OXCT1: variants seen among roughly 807,000 people sequenced by gnomAD.
OXCT1 encodes the protein 3-oxoacid CoA-transferase 1, also known as succinyl-CoA:3-ketoacid coenzyme A transferase 1, mitochondrial.
Under a neutral mutation model 69.6 loss-of-function variants are expected in OXCT1, and 27 were observed. The ratio of observed to expected loss-of-function variants is 0.39; its 90% confidence interval spans 0.29 to 0.54. The LOEUF is 0.54. Ranked by LOEUF, OXCT1 falls within the 20% of genes least tolerant of loss-of-function variation. The pLI is 0.72. For missense variants in OXCT1, 437 were observed against 650.2 expected (o/e 0.67, Z 3.57); for synonymous variants, 202 against 217.8 (o/e 0.93, Z 0.64).
At chr5:41,803,213 T>C (rs761453016) in intron 9 of OXCT1, 50 bp from the exon 10 acceptor site, 5 of 1,245,374 alleles carry the variant, frequency 4.0e-6, no homozygotes, top group Non-Finnish European at 5.9e-6. Flanking sequence ...AGAGAAGTTA[T>C]ACCATAAATC....
intron 5 of OXCT1, chr5:41,843,471 G>A: frequency 2.2e-6 from 1 of 447,480 alleles, no homozygotes; most frequent in East Asian, 7.0e-5. Context: ...CTACTCTTCT[G>A]ACATTACTGA....
At chr5:41,765,413 G>T (rs530722751) in intron 13 of OXCT1, among the ~76,000 whole-genome samples, 5 of 152,266 alleles carry the variant, frequency 3.3e-5, no homozygotes, top group South Asian at 4.1e-4. Flanking sequence ...CTGTTGCACA[G>T]CCCACTTCTT....
intron 13 of OXCT1, among the ~76,000 whole-genome samples, chr5:41,766,561 TG>T (rs1252749492): frequency 6.9e-6 from 1 of 144,420 alleles, no homozygotes; most frequent in Non-Finnish European, 1.5e-5. Flanking sequence ...AATATTACAT[TG>T]TACTCCAAAA....
intron 6 of OXCT1, 53 bp downstream of exon 6, chr5:41,842,622 T>A (rs1378707720): frequency 1.7e-6 from 2 of 1,208,576 alleles, no homozygotes; most frequent in Admixed American, 1.7e-5. Context: ...CACTCTGATG[T>A]CCATTTTTAG....
At chr5:41,781,131 C>T (rs1362969477) in intron 13 of OXCT1, among the ~76,000 whole-genome samples, 1 of 152,066 alleles carries the variant, frequency 6.6e-6, no homozygotes, top group East Asian at 1.9e-4. Flanking sequence ...TCTTGATCTC[C>T]TGACCTCGTG....
chr5:41,740,036 A>G (rs1743089396), intron 15 of OXCT1, among the ~76,000 whole-genome samples: 1 of 152,224 alleles, frequency 6.6e-6, no homozygotes, highest in Non-Finnish European at 1.5e-5. Flanking sequence ...AGCATTGACC[A>G]TGGATGGCAT....
chr5:41,756,629 T>G (rs191104840), intron 14 of OXCT1, among the ~76,000 whole-genome samples: 1 of 152,104 alleles, frequency 6.6e-6, no homozygotes, highest in Admixed American at 6.6e-5. Flanking sequence ...TATTGAGCCA[T>G]GATGTACATA....
chr5:41,763,146 T>C (rs1744427764), intron 13 of OXCT1, among the ~76,000 whole-genome samples: 1 of 152,098 alleles, frequency 6.6e-6, no homozygotes, highest in African/African-American at 2.4e-5. Context: ...GCACACAACA[T>C]GGCTTTAAAA....
intron 13 of OXCT1, among the ~76,000 whole-genome samples, chr5:41,769,560 CAA>C (rs1011999912): frequency 2.3e-4 from 21 of 92,388 alleles, no homozygotes; most frequent in Admixed American, 5.5e-4. Context: ...CTATCTCTAC[CAA>C]AAAAAAAAAA....
chr5:41,863,249 G>A (rs1749823774), intron 1 of OXCT1, among the ~76,000 whole-genome samples: 1 of 152,134 alleles, frequency 6.6e-6, no homozygotes, highest in Admixed American at 6.5e-5. Context: ...TTGGATAAGG[G>A]AGGATACTAT....
At chr5:41,782,130 A>G (rs1161791773) in intron 13 of OXCT1, among the ~76,000 whole-genome samples, 1 of 126,930 alleles carries the variant, frequency 7.9e-6, no homozygotes, top group South Asian at 2.5e-4. Flanking sequence ...TTTTTTTTTT[A>G]ATTTTTAGTA....
At chr5:41,760,867 G>T (rs1320044228) in intron 14 of OXCT1, among the ~76,000 whole-genome samples, 1 of 152,052 alleles carries the variant, frequency 6.6e-6, no homozygotes, top group Non-Finnish European at 1.5e-5. Context: ...ATTTATAGCT[G>T]TTTTCACAAC....
chr5:41,842,541 A>G (rs372387727), intron 6 of OXCT1, 134 bp downstream of exon 6: 3 of 741,204 alleles, frequency 4.0e-6, no homozygotes, highest in African/African-American at 3.4e-5. Flanking sequence ...GCACACACCT[A>G]TATATGTGCA....
chr5:41,858,092 G>T lies in OXCT1; in HGVS notation c.278+3222C>A, dbSNP rs540612871. 3.3e-5 allele frequency among the ~76,000 whole-genome samples: 5 copies of T among 152,246 alleles called. No individual in the cohort carries two copies. In the East Asian group the frequency reaches 9.7e-4, roughly 29 times the overall value. ...TCATTTGTTAGCTCTGAGAATCATT[G>T]TTTATATGGGCTTTGCTTTGTTTTT... is the stretch of plus-strand genomic sequence containing the variant. On this transcript the variant is annotated intron_variant, in intron 3 of 16. Coordinates refer to ENST00000196371, the MANE Select transcript of OXCT1 (RefSeq NM_000436.4).
intron 16 of OXCT1, among the ~76,000 whole-genome samples, chr5:41,734,629 G>C (rs1742798175): frequency 6.6e-6 from 1 of 152,156 alleles, no homozygotes; most frequent in Admixed American, 6.5e-5. Context: ...AAATATTTGA[G>C]AGACAGACTT....
At position 41,805,454 on chromosome 5, in the gene OXCT1, T is replaced by C; in HGVS notation, c.955+113A>G. ...AAAAAAAAAAATTGATTAATTACCTTAAAAGTTACCATAGACTAGAGATGA... is the reference window on the plus strand; with the variant it reads ...AAAAAAAAAAATTGATTAATTACCTCAAAAGTTACCATAGACTAGAGATGA... On this transcript the variant is annotated intron_variant, in intron 9 of 16. Coordinates refer to ENST00000196371, the MANE Select transcript of OXCT1 (RefSeq NM_000436.4). 3 of 744,672 alleles carry C rather than the reference T, an allele frequency of 4.0e-6. No homozygotes were observed. In the South Asian group the frequency reaches 4.7e-5, roughly 12 times the overall value. 46.1% of individuals were successfully genotyped at this position (744,672 alleles called of 1,614,324 possible).
rs199950418 is a variant in OXCT1 at position 41,842,176 on chromosome 5, G to A, written c.671+499C>T. ...TGTGGCTGAGAGGATTGAAAATTCA[G>A]TATTATAAAGGTTAATCAATTTTTC... is the stretch of plus-strand genomic sequence containing the variant. On this transcript the variant is annotated intron_variant, in intron 6 of 16. Coordinates refer to ENST00000196371, the MANE Select transcript of OXCT1 (RefSeq NM_000436.4). Among the ~76,000 whole-genome samples the A allele has an allele frequency of 5.9e-5, 9 of 152,262 alleles. No homozygotes were observed. In the East Asian group the frequency reaches 1.7e-3, roughly 29 times the overall value.
intron 7 of OXCT1, among the ~76,000 whole-genome samples, chr5:41,809,174 A>G (rs1425893138): frequency 6.6e-6 from 1 of 152,092 alleles, no homozygotes; most frequent in Non-Finnish European, 1.5e-5. Flanking sequence ...AATTATTTAT[A>G]TACCTACAGA....
At chr5:41,783,097 A>G (rs1220970194) in intron 13 of OXCT1, among the ~76,000 whole-genome samples, 1 of 152,264 alleles carries the variant, frequency 6.6e-6, no homozygotes, top group Non-Finnish European at 1.5e-5. Flanking sequence ...TATGGATAGA[A>G]TATGTGCAGC....
Sources: allele counts gnomAD v4.1 joint callset (sites outside exome capture counted in the v4.1 genomes callset), GRCh38; gene constraint gnomAD v4.1.1; transcripts MANE v1.5; gene names NCBI Gene and HGNC (gene_info 2026-07-23, HGNC 2026-07-21).